Variants in FREM2 observed in about 807,000 individuals in gnomAD.
FREM2 encodes FRAS1 related extracellular matrix 2.
In FREM2, 119 loss-of-function variants were observed where a neutral mutation model predicts 219.9. That is an observed-to-expected ratio of 0.54 (90% CI 0.47 to 0.63). The LOEUF (loss-of-function observed/expected upper bound fraction) is 0.63. Among genes scored for constraint, FREM2 ranks in the 30% least tolerant of loss-of-function variants. The pLI, the probability that FREM2 is intolerant of heterozygous loss-of-function variation, is 0.00. For missense variants in FREM2, 4,030 were observed against 3,993.6 expected, an observed-to-expected ratio of 1.01 and a Z score of -0.25; for synonymous variants, 1,562 against 1,522.8, an observed-to-expected ratio of 1.03 and a Z score of -0.60.
At chr13:38,694,886 G>A (rs1407772754) in intron 1 of FREM2, among the ~76,000 whole-genome samples, 2 of 152,108 alleles carry the variant, frequency 1.3e-5, no homozygotes, top group Admixed American at 1.3e-4. Flanking sequence ...AGTACGTAAT[G>A]ATATATTCTG....
At chr13:38,764,571 C>G in intron 3 of FREM2, 121 bp downstream of exon 3, 1 of 631,542 alleles carries the variant, frequency 1.6e-6, no homozygotes, top group Non-Finnish European at 2.7e-6. Flanking sequence ...TTTAAAAGTT[C>G]TCTAACTGCT....
intron 2 of FREM2, among the ~76,000 whole-genome samples, chr13:38,699,864 G>C (rs1194581991): frequency 2.0e-5 from 3 of 152,170 alleles, no homozygotes; most frequent in African/African-American, 7.2e-5. Flanking sequence ...GTGCAATACT[G>C]TTTAAACTTA....
rs773763442 is a variant in FREM2 at position 38,784,640 on chromosome 13, C to T, written c.5851C>T (p.Arg1951Cys). The T allele has an allele frequency of 1.1e-5, 18 of 1,614,030 alleles. No homozygotes were observed. In the Admixed American group the frequency reaches 1.3e-4, roughly 12 times the overall value. ...GCCTGAGGACCACACCAGTGTTGTC[C>T]GCTTTGACAAAGATGAACGGGAGAA... ...SRPEDHTSVVRFDKDEREKLC... is the reference protein window; with the variant it reads ...SRPEDHTSVVCFDKDEREKLC... The change falls in exon 6 of 24, where the codon CGC becomes TGC. Residue 1951 changes from arginine to cysteine, a missense_variant. Physicochemically the swap from Arg to Cys is radical, Grantham distance 180. This residue lies in a region of FREM2 where 3,102 missense variants were observed against 2,950.7 expected (regional missense o/e 1.05). Transcript: ENST00000280481.
At chr13:38,819,623 T>G (rs1025294045) in intron 6 of FREM2, among the ~76,000 whole-genome samples, 1 of 152,140 alleles carries the variant, frequency 6.6e-6, no homozygotes, top group Admixed American at 6.6e-5. Flanking sequence ...TATGTCTTTA[T>G]TTTTTAGGGC....
chr13:38,818,873 C>G lies in FREM2; in HGVS notation c.6020-27700C>G, dbSNP rs578051109. Among the ~76,000 whole-genome samples the G allele has an allele frequency of 6.6e-5, 10 of 151,850 alleles. No homozygotes were observed. The East Asian group carries it at 1.7e-3, about 27-fold the overall frequency. ...CACCACTACACTCTAGTCTGGGCAA[C>G]AGAGCAAGCCTCCGTCTCAAAAAAA... On this transcript the variant is annotated intron_variant, in intron 6 of 23. Coordinates refer to ENST00000280481, the MANE Select transcript of FREM2 (RefSeq NM_207361.6).
Position 38,691,155 on chromosome 13 carries a change from G to A in FREM2, c.3811G>A (p.Glu1271Lys), listed in dbSNP as rs746162794. 10 of 1,613,906 alleles carry A rather than the reference G, an allele frequency of 6.2e-6. No individual in the cohort carries two copies. The highest frequency in any genetic ancestry group is 1.6e-4 in the Middle Eastern group (1 of 6,084). ...SSIIYEHDDS[E>K]TQEDSFVIKL... is the part of the protein sequence containing the mutation. ...CATTATTTATGAGCATGATGACTCC[G>A]AGACCCAGGAAGACAGTTTTGTGAT... The change falls in exon 1 of 24, where the codon GAG becomes AAG. Residue 1271 changes from glutamate (E) to lysine (K), a missense_variant. Physicochemically the swap from Glu to Lys is moderately conservative, Grantham distance 56. This residue lies in a region of FREM2 where 3,102 missense variants were observed against 2,950.7 expected (regional missense o/e 1.05). Coordinates refer to ENST00000280481, the MANE Select transcript of FREM2 (RefSeq NM_207361.6).
intron 6 of FREM2, among the ~76,000 whole-genome samples, chr13:38,798,811 G>T (rs1874893642): frequency 6.6e-6 from 1 of 152,028 alleles, no homozygotes; most frequent in Non-Finnish European, 1.5e-5. Context: ...CATGTCAGTG[G>T]TAAAGTTTCC....
In FREM2 at chr13:38,880,701, A is replaced by AG. The variant is rs777412719; in HGVS notation, c.9429dup (p.Lys3144GlufsTer11). ...GATGTGCAGGGGCAAGGAAAGTTTC[A>AG]GGGGGAAGGATGCCCCGAAAGGCTC... On this transcript the variant is annotated frameshift_variant, in exon 24 of 24. Transcript: ENST00000280481. LOFTEE classifies it low-confidence loss of function (END_TRUNC). 2 of 1,614,190 alleles carry AG rather than the reference A, an allele frequency of 1.2e-6. No homozygotes were observed. Among genetic ancestry groups the AG allele is most frequent in the East Asian group, 4.5e-5 (2 of 44,866 alleles).
chr13:38,687,587 G>C lies in FREM2; in HGVS notation c.243G>C (p.Val81=), dbSNP rs1473304644. The change falls in exon 1 of 24, where the codon GTG becomes GTC. Residue 81 remains valine (V), a synonymous_variant. Transcript: ENST00000280481. ...TGCTGGCGAACCGCGGACTCCGGGT[G>C]CCTTTCGGCCGTGAAGTCTGGCTGG... ...AIVLANRGLR[V]PFGREVWLDP... The C allele has an allele frequency of 2.5e-6, 4 of 1,607,238 alleles. No individual in the cohort carries two copies. In the African/African-American group the frequency reaches 5.3e-5, roughly 21 times the overall value.
chr13:38,876,015 T>C lies in FREM2; in HGVS notation c.8282-7T>C. The C allele has an allele frequency of 6.2e-7, 1 of 1,612,712 alleles. No individual in the cohort carries two copies. Among genetic ancestry groups the C allele is most frequent in the Non-Finnish European group, 8.5e-7 (1 of 1,178,716 alleles). On this transcript the variant is annotated splice_region_variant and splice_polypyrimidine_tract_variant and intron_variant, in intron 18 of 23. Transcript: ENST00000280481. ...TATCATTATTATAATTACTGGCACTTTCCTAGCATCCTTTACAAGCTCAGT... is the reference window on the plus strand; with the variant it reads ...TATCATTATTATAATTACTGGCACTCTCCTAGCATCCTTTACAAGCTCAGT...
At chr13:38,740,450 C>T (rs778015210) in intron 2 of FREM2, among the ~76,000 whole-genome samples, 4 of 152,066 alleles carry the variant, frequency 2.6e-5, no homozygotes, top group Non-Finnish European at 5.9e-5. Flanking sequence ...TGAAGTTTAA[C>T]GTACATCAAT....
At chr13:38,754,633 C>G (rs925284259) in intron 2 of FREM2, among the ~76,000 whole-genome samples, 1 of 152,168 alleles carries the variant, frequency 6.6e-6, no homozygotes, top group East Asian at 1.9e-4. Context: ...AGATAATGTG[C>G]GTATTATCAA....
At chr13:38,707,944 C>G (rs910403618) in intron 2 of FREM2, among the ~76,000 whole-genome samples, 1 of 152,192 alleles carries the variant, frequency 6.6e-6, no homozygotes. Context: ...GTTTCACCAT[C>G]CGTGTCCACC....
intron 6 of FREM2, among the ~76,000 whole-genome samples, chr13:38,803,816 T>C (rs1220657071): frequency 6.6e-6 from 1 of 151,068 alleles, no homozygotes; most frequent in East Asian, 1.9e-4. Context: ...CTCAGTTCAG[T>C]GCTGTTCAAA....
chr13:38,690,657 A>T lies in FREM2; in HGVS notation c.3313A>T (p.Thr1105Ser). ...CTCCCTGAATGATGACATCTTGTGC[A>T]CTATAGTTATTCAGCCTACTTCAGG... Reference protein sequence around the residue: ...VDSLNDDILCTIVIQPTSGYV... With the variant: ...VDSLNDDILCSIVIQPTSGYV... Residue 1105 changes from threonine (T) to serine (S), a missense_variant, in exon 1 of 24, where the codon ACT becomes TCT. Coordinates refer to ENST00000280481, the MANE Select transcript of FREM2 (RefSeq NM_207361.6). The T allele has an allele frequency of 6.2e-7, 1 of 1,613,918 alleles. No homozygotes were observed.
chr13:38,800,940 T>C (rs1367312323), intron 6 of FREM2, among the ~76,000 whole-genome samples: 2 of 152,200 alleles, frequency 1.3e-5, no homozygotes, highest in Non-Finnish European at 2.9e-5. Context: ...ATTAAGTTGG[T>C]TTTTTAACCC....
At chr13:38,862,289 T>G (rs1186018826) in intron 15 of FREM2, among the ~76,000 whole-genome samples, 2 of 152,198 alleles carry the variant, frequency 1.3e-5, no homozygotes, top group East Asian at 3.9e-4. Flanking sequence ...TATGTCTTCC[T>G]ATTACAACCT....
At chr13:38,840,344 C>T (rs928993001) in intron 6 of FREM2, among the ~76,000 whole-genome samples, 2 of 151,598 alleles carry the variant, frequency 1.3e-5, no homozygotes, top group African/African-American at 4.9e-5. Flanking sequence ...ATGCAGAAAT[C>T]GCCTGCCTTC....
chr13:38,788,300 C>T (rs1209895711), intron 6 of FREM2, among the ~76,000 whole-genome samples: 2 of 152,104 alleles, frequency 1.3e-5, no homozygotes, highest in African/African-American at 2.4e-5. Context: ...TTAATCTTCA[C>T]CCTGAGAGTA....
Sources: allele counts gnomAD v4.1 joint callset (sites outside exome capture counted in the v4.1 genomes callset), GRCh38; gene constraint gnomAD v4.1.1; regional missense constraint gnomAD v4.1.1; transcripts MANE v1.5; gene names NCBI Gene and HGNC (gene_info 2026-07-23, HGNC 2026-07-21).